LAMA4: variants seen among roughly 807,000 people sequenced by gnomAD.
LAMA4 encodes the protein laminin subunit alpha-4.
Under a neutral mutation model 207.1 loss-of-function variants are expected in LAMA4, and 127 were observed. The ratio of observed to expected loss-of-function variants is 0.61; its 90% confidence interval spans 0.53 to 0.71. LAMA4 has a LOEUF of 0.71. Ranked by LOEUF, LAMA4 falls within the 30% of genes least tolerant of loss-of-function variation. LAMA4 has a pLI of 0.00. For missense variants in LAMA4, 2,093 were observed against 2,246.5 expected (o/e 0.93, Z 1.38); for synonymous variants, 761 against 816.0 (o/e 0.93, Z 1.15).
intron 18 of LAMA4, among the ~76,000 whole-genome samples, chr6:112,145,199 C>T (rs1262805039): frequency 6.6e-6 from 1 of 152,222 alleles, no homozygotes; most frequent in Non-Finnish European, 1.5e-5. Context: ...TGTGTAAGCT[C>T]ATACTTGGCT....
chr6:112,218,799 C>T (rs1554359576), intron 2 of LAMA4: 1 of 152,288 alleles, frequency 6.6e-6, no homozygotes. Context: ...ACGAACAGGG[C>T]TGTGTTGAGT....
At position 112,109,392 on chromosome 6, in the gene LAMA4, A is replaced by G. The variant is rs1554320832; in HGVS notation, c.*45T>C. On this transcript the variant is annotated 3_prime_UTR_variant, in exon 39 of 39. Coordinates refer to ENST00000230538, the MANE Select transcript of LAMA4 (RefSeq NM_001105206.3). ...TCCTGGCTGGCTTTGTGTTTCTTTC[A>G]GTGCTCTAAAGAACTTTGTATTTGG... 6.2e-7 allele frequency: 1 copy of G among 1,610,290 alleles called. No individual in the cohort carries two copies. The highest frequency in any genetic ancestry group is 8.5e-7 in the Non-Finnish European group (1 of 1,177,952).
chr6:112,139,255 A>G lies in LAMA4; in HGVS notation c.3147T>C (p.Ser1049=), dbSNP rs149203646. The change falls in exon 24 of 39, where the codon AGT becomes AGC. Residue 1049 remains serine, a synonymous_variant. Transcript: ENST00000230538. ...CATAACCGGAGCCATCGAAGAAGTA[A>G]CTGGCAGCCCGACTCTGAGTGAAGG... ...KLAFTQSRAA[S]YFFDGSGYAV... 322 of 1,614,076 alleles carry G rather than the reference A, an allele frequency of 2.0e-4. No homozygotes were observed. Among genetic ancestry groups the G allele is most frequent in the Non-Finnish European group, 2.6e-4 (301 of 1,180,022 alleles).
At chr6:112,181,408 A>G (rs1166868000) in intron 9 of LAMA4, among the ~76,000 whole-genome samples, 2 of 152,286 alleles carry the variant, frequency 1.3e-5, no homozygotes, top group African/African-American at 4.8e-5. Context: ...GTTCTTCACA[A>G]TTGGGCCTCT....
intron 10 of LAMA4, among the ~76,000 whole-genome samples, chr6:112,175,860 T>G (rs1320977693): frequency 1.3e-5 from 2 of 152,248 alleles, no homozygotes; most frequent in African/African-American, 4.8e-5. Context: ...CAGTCTTTGA[T>G]CAGCCTTTTA....
chr6:112,181,987 C>G (rs1403595491), intron 9 of LAMA4, among the ~76,000 whole-genome samples: 1 of 152,104 alleles, frequency 6.6e-6, no homozygotes, highest in Non-Finnish European at 1.5e-5. Flanking sequence ...ATCCCAGCTA[C>G]TCAGGAGGCT....
chr6:112,123,581 T>C (rs1554326703), intron 31 of LAMA4, among the ~76,000 whole-genome samples: 1 of 152,184 alleles, frequency 6.6e-6, no homozygotes, highest in Non-Finnish European at 1.5e-5. Context: ...AATAGTGTTT[T>C]AGCTAAATCT....
At chr6:112,251,374 A>T (rs1337077153) in intron 2 of LAMA4, 1 of 152,258 alleles carries the variant, frequency 6.6e-6, no homozygotes, top group Non-Finnish European at 1.5e-5. Context: ...GCTATTGAAG[A>T]GCTTAGGAGA....
At chr6:112,190,948 C>CT (rs1367568821) in intron 6 of LAMA4, among the ~76,000 whole-genome samples, 1 of 18,328 alleles carries the variant, frequency 5.5e-5, no homozygotes, top group Non-Finnish European at 9.5e-5. Flanking sequence ...TCTTTCTTTC[C>CT]TTTCTTTCTT....
intron 2 of LAMA4, among the ~76,000 whole-genome samples, chr6:112,231,519 G>T (rs60955874): frequency 0.044 from 6,748 of 151,730 alleles, 518 homozygotes; most frequent in African/African-American, 0.15. Context: ...AGACCACGAA[G>T]CAAATAATGC....
intron 19 of LAMA4, 65 bp from the exon 20 acceptor site, chr6:112,142,357 T>G: frequency 2.0e-6 from 3 of 1,468,176 alleles, no homozygotes; most frequent in Non-Finnish European, 2.9e-6. Context: ...TTTCCCGTGC[T>G]TCCCTCATTC....
At chr6:112,204,783 C>G (rs1379405120) in intron 4 of LAMA4, among the ~76,000 whole-genome samples, 8 of 152,204 alleles carry the variant, frequency 5.3e-5, no homozygotes, top group Non-Finnish European at 5.9e-5. Flanking sequence ...CGTTTTCTAC[C>G]CTCACTGTGA....
intron 4 of LAMA4, among the ~76,000 whole-genome samples, chr6:112,203,226 CA>C (rs1330322967): frequency 6.6e-6 from 1 of 152,180 alleles, no homozygotes; most frequent in Non-Finnish European, 1.5e-5. Flanking sequence ...GTGCCCATTT[CA>C]AGTGGAAGGG....
Position 112,142,491 on chromosome 6 carries a change from G to A in LAMA4, c.2494-199C>T, listed in dbSNP as rs7742931. ...GTAGTTTAAAGTGGGGTGAAAGAAA[G>A]CAAAAAAAAAGTGGTGACTAAGTAG... is the stretch of plus-strand genomic sequence containing the variant. On this transcript the variant is annotated intron_variant, in intron 19 of 38. Transcript: ENST00000230538. Among the ~76,000 whole-genome samples the A allele has an allele frequency of 0.29, 44,152 of 151,204 alleles. 6,661 individuals carry two copies. Among genetic ancestry groups the A allele is most frequent in the African/African-American group, 0.38 (15,778 of 41,216 alleles).
chr6:112,139,073 A>G (rs1562650194), intron 24 of LAMA4, 47 bp downstream of exon 24: 4 of 1,573,324 alleles, frequency 2.5e-6, no homozygotes, highest in African/African-American at 1.3e-5. Context: ...AGTAGCAGAA[A>G]GTAAAGGAAA....
intron 12 of LAMA4, among the ~76,000 whole-genome samples, chr6:112,167,849 C>T (rs1225641253): frequency 2.6e-4 from 8 of 31,262 alleles, no homozygotes; most frequent in African/African-American, 7.7e-4. Flanking sequence ...ATCACACACA[C>T]ACACACACAC....
intron 5 of LAMA4, among the ~76,000 whole-genome samples, chr6:112,192,677 C>A (rs1783187319): frequency 6.6e-6 from 1 of 152,220 alleles, no homozygotes; most frequent in African/African-American, 2.4e-5. Flanking sequence ...AGAATGGAGA[C>A]TGAAATCCAT....
intron 6 of LAMA4, among the ~76,000 whole-genome samples, chr6:112,190,199 T>G (rs1554348086): frequency 6.6e-6 from 1 of 152,194 alleles, no homozygotes; most frequent in African/African-American, 2.4e-5. Flanking sequence ...AAACACAAAT[T>G]TAGTAAATGT....
intron 34 of LAMA4, 40 bp downstream of exon 34, chr6:112,119,116 T>G (rs1554325140): frequency 1.2e-6 from 2 of 1,607,764 alleles, no homozygotes; most frequent in Non-Finnish European, 1.7e-6. Context: ...ATCTTCTGGC[T>G]CTAATGGTCA....
Sources: allele counts gnomAD v4.1 joint callset (sites outside exome capture counted in the v4.1 genomes callset), GRCh38; gene constraint gnomAD v4.1.1; transcripts MANE v1.5; gene names NCBI Gene and HGNC (gene_info 2026-07-23, HGNC 2026-07-21).